Variants in FAM13A observed in about 807,000 individuals in gnomAD.
FAM13A encodes the protein protein FAM13A.
FAM13A carries 76 observed loss-of-function variants against 129.6 expected under a neutral mutation model. The ratio of observed to expected loss-of-function variants is 0.59; its 90% CI spans 0.49 to 0.71. FAM13A has a LOEUF of 0.71. FAM13A is among the 30% of genes least tolerant of loss of function. The probability of loss-of-function intolerance (pLI) is 0.00; values close to 1 mark genes in which losing one functional copy is unlikely to be tolerated. For synonymous variants in FAM13A, 443 were observed against 449.9 expected, an observed-to-expected ratio of 0.98 and a Z score of 0.20; for missense variants, 1,108 against 1,249.3, an observed-to-expected ratio of 0.89 and a Z score of 1.70.
rs775433082 is a variant in FAM13A, at chr4:88,749,943, G to A, written c.1941-34C>T. On this transcript the variant is annotated intron_variant, in intron 15 of 23. Coordinates refer to ENST00000264344, the MANE Select transcript of FAM13A (RefSeq NM_014883.4). ...AGTACGACTTGGGTCAGTTTCCCCA[G>A]GAGCAGTCACTGCTTGCCTAGAGGG... is the stretch of plus-strand genomic sequence containing the variant. 1.4e-5 allele frequency: 22 copies of A among 1,609,560 alleles called. No individual in the cohort carries two copies. In the Middle Eastern group the frequency reaches 1.2e-3, roughly 91 times the overall value.
rs1453929772 is a variant in FAM13A, at chr4:88,924,762, C to T, written c.759+13326G>A. Among the ~76,000 whole-genome samples the T allele has an allele frequency of 9.2e-5, 14 of 151,514 alleles. No individual in the cohort carries two copies. The South Asian group carries it at 2.5e-3, about 27-fold the overall frequency. On this transcript the variant is annotated intron_variant, in intron 5 of 23. Coordinates refer to ENST00000264344, the MANE Select transcript of FAM13A (RefSeq NM_014883.4). ...CAAAAGAAACTACCATCAGAGTGAA[C>T]AGGCAACCTACAAAATGGGAGAAAA...
At chr4:88,739,876 G>A (rs898776301) in intron 19 of FAM13A, among the ~76,000 whole-genome samples, 8 of 151,706 alleles carry the variant, frequency 5.3e-5, no homozygotes, top group Admixed American at 5.3e-4. Context: ...AGAAGATTCT[G>A]GCAAACAGTG....
At chr4:88,903,895 T>C (rs1052620860) in intron 6 of FAM13A, among the ~76,000 whole-genome samples, 2 of 151,926 alleles carry the variant, frequency 1.3e-5, no homozygotes, top group African/African-American at 4.8e-5. Flanking sequence ...AGGTCTAACA[T>C]CAAGTCTACA....
intron 1 of FAM13A, among the ~76,000 whole-genome samples, chr4:89,055,731 T>C (rs1795731): frequency 0.25 from 37,602 of 152,088 alleles, 4,733 homozygotes; most frequent in Non-Finnish European, 0.28. Context: ...AAGGAAACTC[T>C]TTGGGGTGAT....
At chr4:89,035,131 C>A (rs1168365891) in intron 1 of FAM13A, among the ~76,000 whole-genome samples, 1 of 151,980 alleles carries the variant, frequency 6.6e-6, no homozygotes, top group Non-Finnish European at 1.5e-5. Context: ...AAACAGAAAA[C>A]CAAATACAGC....
chr4:89,027,201 C>A (rs994045704), intron 2 of FAM13A, among the ~76,000 whole-genome samples: 2 of 152,090 alleles, frequency 1.3e-5, no homozygotes, highest in African/African-American at 4.8e-5. Context: ...AGATTAACAA[C>A]AATAACTAAT....
At chr4:88,970,342 C>T (rs1383719950) in intron 4 of FAM13A, among the ~76,000 whole-genome samples, 1 of 151,760 alleles carries the variant, frequency 6.6e-6, no homozygotes, top group African/African-American at 2.4e-5. Flanking sequence ...GGAGATGAGG[C>T]TATACAAGCA....
At position 89,038,509 on chromosome 4, in the gene FAM13A, T is replaced by C. The variant is rs1513808; in HGVS notation, c.28-8860A>G. 8.5e-3 allele frequency among the ~76,000 whole-genome samples: 1,297 copies of C among 151,998 alleles called. 21 individuals are homozygous for C. The highest frequency in any genetic ancestry group is 0.029 in the African/African-American group (1,216 of 41,472). ...TAATGGGACACGTCCACAAGACCTATGGGCCACTGTAATGGAACACCGCTG... is the reference window on the plus strand; with the variant it reads ...TAATGGGACACGTCCACAAGACCTACGGGCCACTGTAATGGAACACCGCTG... On this transcript the variant is annotated intron_variant, in intron 1 of 23. Coordinates refer to ENST00000264344, the MANE Select transcript of FAM13A (RefSeq NM_014883.4).
intron 6 of FAM13A, among the ~76,000 whole-genome samples, chr4:88,897,923 T>C (rs1297910286): frequency 6.6e-6 from 1 of 152,152 alleles, no homozygotes; most frequent in Non-Finnish European, 1.5e-5. Flanking sequence ...AGTTTGCTCA[T>C]GTAAACTTAC....
intron 5 of FAM13A, among the ~76,000 whole-genome samples, chr4:88,925,473 C>T (rs1042901993): frequency 9.5e-5 from 14 of 147,340 alleles, no homozygotes; most frequent in African/African-American, 3.3e-4. Context: ...CCAAACACTG[C>T]GTGTTCTCAC....
At chr4:89,022,676 C>G (rs1393685481) in intron 2 of FAM13A, among the ~76,000 whole-genome samples, 2 of 152,128 alleles carry the variant, frequency 1.3e-5, no homozygotes, top group Non-Finnish European at 2.9e-5. Flanking sequence ...CAACAGAATA[C>G]AGCAAATGTG....
intron 21 of FAM13A, among the ~76,000 whole-genome samples, chr4:88,733,773 A>C (rs1463616960): frequency 6.6e-6 from 1 of 152,246 alleles, no homozygotes; most frequent in Non-Finnish European, 1.5e-5. Flanking sequence ...AGAACTACAA[A>C]AAATTACTAT....
chr4:89,029,628 G>A lies in FAM13A; in HGVS notation c.49C>T (p.Leu17=). 6.3e-7 allele frequency: 1 copy of A among 1,579,712 alleles called. No individual in the cohort carries two copies. The highest frequency in any genetic ancestry group is 8.6e-7 in the Non-Finnish European group (1 of 1,169,336). ...AICQSKAAVR[L]KEDMKKIVAV... is the part of the protein sequence containing the mutation. Reference sequence around the variant, plus strand: ...ACTATCTTTTTCATGTCTTCTTTCAGCCGAACCGCTGCTTTACTTTGCTTA... The same window carrying A: ...ACTATCTTTTTCATGTCTTCTTTCAACCGAACCGCTGCTTTACTTTGCTTA... Residue 17 remains leucine, a synonymous_variant, in exon 2 of 24, where the codon CTG becomes TTG. Transcript: ENST00000264344.
chr4:88,866,860 C>T (rs78855886), intron 6 of FAM13A, among the ~76,000 whole-genome samples: 16,098 of 152,178 alleles, frequency 0.11, 1,007 homozygotes, highest in Non-Finnish European at 0.14. Context: ...TTCACTCCTA[C>T]CTACATACCC....
intron 6 of FAM13A, among the ~76,000 whole-genome samples, chr4:88,857,805 TG>T (rs1232632953): frequency 6.6e-6 from 1 of 152,142 alleles, no homozygotes; most frequent in African/African-American, 2.4e-5. Flanking sequence ...GAAATGTTTG[TG>T]GGTTTTGTTA....
At chr4:88,997,654 G>C (rs968346896) in intron 3 of FAM13A, among the ~76,000 whole-genome samples, 7 of 151,982 alleles carry the variant, frequency 4.6e-5, no homozygotes, top group Admixed American at 2.0e-4. Flanking sequence ...ATGTATCCTA[G>C]TGTTTGTCAC....
At position 88,767,615 on chromosome 4, in the gene FAM13A, CA is replaced by C. The variant is rs534158486; in HGVS notation, c.1536-21del. The C allele has an allele frequency of 1.3e-3, 1,986 of 1,565,792 alleles. 4 individuals are homozygous for C. The highest frequency in any genetic ancestry group is 1.5e-3 in the Non-Finnish European group (1,741 of 1,153,588). On this transcript the variant is annotated intron_variant, in intron 12 of 23. Coordinates refer to ENST00000264344, the MANE Select transcript of FAM13A (RefSeq NM_014883.4). ...CCTTTCCTATAAATAATGGCAACAA[CA>C]AAAAAATCATAAAATATCTACTTGT...
chr4:89,003,750 T>C (rs78392223), intron 3 of FAM13A, among the ~76,000 whole-genome samples: 1 of 152,118 alleles, frequency 6.6e-6, no homozygotes, highest in Non-Finnish European at 1.5e-5. Flanking sequence ...TAAATTTAAC[T>C]AAATTTGTGA....
At chr4:88,814,034 C>T (rs1561064165) in intron 7 of FAM13A, among the ~76,000 whole-genome samples, 1 of 152,118 alleles carries the variant, frequency 6.6e-6, no homozygotes, top group Non-Finnish European at 1.5e-5. Context: ...ACATAACTAC[C>T]ATTGATTGAG....
Sources: allele counts gnomAD v4.1 joint callset (sites outside exome capture counted in the v4.1 genomes callset), GRCh38; gene constraint gnomAD v4.1.1; transcripts MANE v1.5; gene names NCBI Gene and HGNC (gene_info 2026-07-23, HGNC 2026-07-21).